The following PCDHGA8 variants were observed in gnomAD, a reference collection of about 807,000 sequenced individuals.
PCDHGA8 encodes the protein protocadherin gamma-A8.
PCDHGA8 carries 45 observed loss-of-function variants against 59.2 expected under a neutral mutation model. The observed-to-expected ratio is 0.76, with a 90% CI of 0.60 to 0.98. The LOEUF (loss-of-function observed/expected upper bound fraction) is 0.98, where lower values mean the gene tolerates loss of function less well. PCDHGA8 is among the 50% of genes least tolerant of loss of function. The pLI is 0.00. For missense variants in PCDHGA8, 1,257 were observed against 1,196.2 expected (o/e 1.05, Z -0.75); for synonymous variants, 531 against 519.0 (o/e 1.02, Z -0.32).
chr5:141,428,117 G>A lies in PCDHGA8; in HGVS notation c.2424+32880G>A, dbSNP rs980705077. 5 of 1,606,984 alleles carry A rather than the reference G, an allele frequency of 3.1e-6. No individual in the cohort carries two copies. The African/African-American group carries it at 6.7e-5, about 21-fold the overall frequency. Reference sequence around the variant, plus strand: ...CCTACCACGTGCTGCAGGCCATCGAGCCCGGGCTTTTCAGCCTGGGGCTGC... The same window carrying A: ...CCTACCACGTGCTGCAGGCCATCGAACCCGGGCTTTTCAGCCTGGGGCTGC... On this transcript the variant is annotated intron_variant, in intron 1 of 3. Coordinates refer to ENST00000398604, the MANE Select transcript of PCDHGA8 (RefSeq NM_032088.2).
intron 1 of PCDHGA8, chr5:141,408,952 T>C (rs531696982): frequency 6.2e-7 from 1 of 1,613,544 alleles, no homozygotes; most frequent in African/African-American, 1.3e-5. Context: ...ATAGAATTAG[T>C]CTTAGTGAAA....
chr5:141,478,420 C>A, intron 1 of PCDHGA8: 1 of 1,613,676 alleles, frequency 6.2e-7, no homozygotes, highest in Non-Finnish European at 8.5e-7. Context: ...ACTCCCGCCG[C>A]AGCGACCCGC....
chr5:141,421,965 C>T (rs775450008), intron 1 of PCDHGA8: 3 of 1,610,242 alleles, frequency 1.9e-6, no homozygotes, highest in Non-Finnish European at 2.5e-6. Context: ...TTACACAGTC[C>T]GTATATCGCG....
At position 141,432,540 on chromosome 5, in the gene PCDHGA8, T is replaced by A. The variant is rs147884705; in HGVS notation, c.2424+37303T>A. 7.6e-4 allele frequency: 1,222 copies of A among 1,613,608 alleles called. 1 individual carries two copies. The highest frequency in any genetic ancestry group is 1.1e-3 in the Admixed American group (64 of 59,988). ...TACCTGGTGACCAAGGTGGTGGCGG[T>A]GGACAGAGACTCCGGCCAGAACGCC... On this transcript the variant is annotated intron_variant, in intron 1 of 3. Transcript: ENST00000398604. This position sits in a 1 kb window ranked among gnomAD's most constrained non-coding sequence, Gnocchi z 6.0.
At chr5:141,488,217 A>G (rs537136341) in intron 1 of PCDHGA8, among the ~76,000 whole-genome samples, 2 of 152,274 alleles carry the variant, frequency 1.3e-5, no homozygotes, top group East Asian at 1.9e-4. Flanking sequence ...TCAAGTCCCT[A>G]CTGGGGATTT....
chr5:141,407,732 A>G (rs1294403186), intron 1 of PCDHGA8, among the ~76,000 whole-genome samples: 3 of 152,242 alleles, frequency 2.0e-5, no homozygotes, highest in Non-Finnish European at 4.4e-5. Flanking sequence ...AAGGTTCACT[A>G]TATATACTCC....
chr5:141,417,634 G>A, intron 1 of PCDHGA8: 1 of 721,778 alleles, frequency 1.4e-6, no homozygotes, highest in Non-Finnish European at 2.1e-6. Context: ...GCTGACGCCG[G>A]GGATCCCTCA....
At chr5:141,396,952 A>G (rs2093458879) in intron 1 of PCDHGA8, among the ~76,000 whole-genome samples, 1 of 152,196 alleles carries the variant, frequency 6.6e-6, no homozygotes, top group African/African-American at 2.4e-5. Context: ...AGGAAAGAAA[A>G]TCCTTACTCT....
chr5:141,437,762 A>G (rs1286042187), intron 1 of PCDHGA8, among the ~76,000 whole-genome samples: 1 of 149,476 alleles, frequency 6.7e-6, no homozygotes, highest in African/African-American at 2.5e-5. Context: ...TTTTTGAGAC[A>G]GAGTCTCAAT....
intron 1 of PCDHGA8, chr5:141,427,833 G>T (rs1345567011): frequency 6.5e-7 from 1 of 1,540,964 alleles, no homozygotes; most frequent in Non-Finnish European, 8.9e-7. Flanking sequence ...CGCGCAGCGT[G>T]CCTTCGACCA....
chr5:141,394,987 T>G lies in PCDHGA8; in HGVS notation c.2174T>G (p.Leu725Arg), dbSNP rs2093144127. 6.2e-7 allele frequency: 1 copy of G among 1,613,874 alleles called. No homozygotes were observed. The highest frequency in any genetic ancestry group is 1.1e-5 in the South Asian group (1 of 91,094). ...AGGCGCTGGCACAAGTCACGCCTGC[T>G]CCAGGATTCCGGTGGCAGATTGGTA... ...RLRRWHKSRL[L>R]QDSGGRLVGV... Residue 725 changes from leucine to arginine, a missense_variant, in exon 1 of 4, where the codon CTC (leucine) becomes CGC (arginine). Transcript: ENST00000398604.
Position 141,394,060 on chromosome 5 carries a change from C to G in PCDHGA8, c.1247C>G (p.Ser416Cys). 5.0e-6 allele frequency: 8 copies of G among 1,613,780 alleles called. No homozygotes were observed. Among genetic ancestry groups the G allele is most frequent in the Non-Finnish European group, 5.9e-6 (7 of 1,179,796 alleles). The change falls in exon 1 of 4, where the codon TCT (serine) becomes TGT (cysteine). Residue 416 changes from serine to cysteine, a missense_variant. Coordinates refer to ENST00000398604, the MANE Select transcript of PCDHGA8 (RefSeq NM_032088.2). The part of the protein sequence containing the change: ...TRKYLDRENV[S>C]IYNITVMASD... ...AAATATTTGGACCGAGAAAATGTCTCTATCTACAATATCACAGTGATGGCC... is the reference window on the plus strand; with the variant it reads ...AAATATTTGGACCGAGAAAATGTCTGTATCTACAATATCACAGTGATGGCC...
Position 141,393,752 on chromosome 5 carries a change from AT to A in PCDHGA8, c.943del (p.Tyr315MetfsTer26). On this transcript the variant is annotated frameshift_variant, in exon 1 of 4. Coordinates refer to ENST00000398604, the MANE Select transcript of PCDHGA8 (RefSeq NM_032088.2). LOFTEE classifies it high-confidence loss of function. ...AAAGTCTAGATTATGAAGAATGTTC[AT>A]TTTATGAAATGGAAATACAAGCCGA... ...AKSLDYEECS[F>X]YEMEIQAEDV... 1 of 1,613,942 alleles carries A rather than the reference AT, an allele frequency of 6.2e-7. No homozygotes were observed. Among genetic ancestry groups the A allele is most frequent in the Non-Finnish European group, 8.5e-7 (1 of 1,179,896 alleles).
intron 1 of PCDHGA8, chr5:141,428,225 A>G (rs775012950): frequency 4.3e-6 from 5 of 1,156,574 alleles, no homozygotes; most frequent in Non-Finnish European, 6.3e-6. Flanking sequence ...GTCTTCGCAG[A>G]CAGCCTGCAG....
At position 141,491,891 on chromosome 5, in the gene PCDHGA8, G is replaced by T. The variant is rs1487484740; in HGVS notation, c.2425-2916G>T. On this transcript the variant is annotated intron_variant, in intron 1 of 3. Coordinates refer to ENST00000398604, the MANE Select transcript of PCDHGA8 (RefSeq NM_032088.2). This position sits in a 1 kb window ranked among gnomAD's most constrained non-coding sequence, Gnocchi z 6.9. ...GTGGCCGATTAAGGGATGGGGCTCC[G>T]AGCACCGGGGGTGGTGGCGACTGTG... 19 of 1,439,438 alleles carry T rather than the reference G, an allele frequency of 1.3e-5. No homozygotes were observed. The East Asian group carries it at 4.8e-4, about 36-fold the overall frequency. 89.2% of individuals were successfully genotyped at this position (1,439,438 alleles called of 1,614,324 possible). A position where few individuals can be genotyped will look rare whatever the true frequency, so the allele number is the denominator to read the frequency against.
chr5:141,395,542 TTGTGTGTGTGTGTGTGTGTGTGTGTG>T lies in PCDHGA8; in HGVS notation c.2424+329_2424+354del, dbSNP rs55729045. 7.0e-5 allele frequency: 12 copies of T among 172,630 alleles called. No homozygotes were observed. In the South Asian group the frequency reaches 8.7e-4, roughly 12 times the overall value. 10.7% of individuals were successfully genotyped at this position (172,630 alleles called of 1,614,324 possible). ...TCCATACTGGTAATTTTGCTATTGTTTGTGTGTGTGTGTGTGTGTGTGTGTGTGTGTGTGTGTGTGTGTGTGTGTAT... is the reference window on the plus strand; with the variant it reads ...TCCATACTGGTAATTTTGCTATTGTTTGTGTGTGTGTGTGTGTGTGTGTAT... On this transcript the variant is annotated intron_variant, in intron 1 of 3. Coordinates refer to ENST00000398604, the MANE Select transcript of PCDHGA8 (RefSeq NM_032088.2).
chr5:141,455,690 C>A (rs1209152869), intron 1 of PCDHGA8, among the ~76,000 whole-genome samples: 1 of 152,064 alleles, frequency 6.6e-6, no homozygotes, highest in East Asian at 1.9e-4. Context: ...CTGTGGGAAT[C>A]GCCAAGTTGA....
chr5:141,441,993 G>T (rs577673608), intron 1 of PCDHGA8: 16 of 251,180 alleles, frequency 6.4e-5, no homozygotes, highest in East Asian at 3.9e-4. Flanking sequence ...CACCGACGAG[G>T]TGCTGACAGC....
chr5:141,448,669 G>A (rs553283446), intron 1 of PCDHGA8, among the ~76,000 whole-genome samples: 13 of 152,136 alleles, frequency 8.5e-5, no homozygotes, highest in African/African-American at 7.2e-5. Flanking sequence ...GGCCGGGCGC[G>A]GTGGCTCACG....
Sources: gnomAD v4.1 joint callset for allele counts (sites outside exome capture counted in the v4.1 genomes callset) on GRCh38, gnomAD v4.1.1 for gene constraint, Gnocchi (gnomAD v3.1) non-coding constraint, MANE v1.5 for transcripts, NCBI Gene and HGNC (gene_info 2026-07-23, HGNC 2026-07-21) for gene names.